DMD: variants seen among roughly 807,000 people sequenced by gnomAD.
DMD encodes the protein dystrophin.
A neutral mutation model predicts 330.1 loss-of-function variants in DMD; 63 were observed. The ratio of observed to expected loss-of-function variants is 0.19; its 90% CI spans 0.16 to 0.24. The LOEUF (loss-of-function observed/expected upper bound fraction) is 0.24, where lower values mean the gene tolerates loss of function less well. Ranked by LOEUF, DMD falls within the 10% of genes least tolerant of loss-of-function variation. The probability of loss-of-function intolerance (pLI) is 1.00; values close to 1 mark genes in which losing one functional copy is unlikely to be tolerated. For missense variants in DMD, 3,344 were observed against 2,684.1 expected (o/e 1.25, Z -5.43); for synonymous variants, 1,223 against 959.8 (o/e 1.27, Z -5.07).
intron 43 of DMD, among the ~76,000 whole-genome samples, chrX:32,234,129 C>T (rs184093848): frequency 3.6e-5 from 4 of 111,238 alleles, no homozygotes; most frequent in Admixed American, 1.9e-4. Flanking sequence ...CCCATGACCA[C>T]GAGAGACCAG....
chrX:31,436,581 T>G (rs765548150), intron 60 of DMD, among the ~76,000 whole-genome samples: 1 of 111,812 alleles, frequency 8.9e-6, no homozygotes, highest in South Asian at 3.7e-4. Flanking sequence ...ACCTGAGCAA[T>G]TTCGATAACA....
intron 1 of DMD, among the ~76,000 whole-genome samples, chrX:33,307,504 T>C (rs2053781317): frequency 9.0e-6 from 1 of 111,252 alleles, no homozygotes; most frequent in East Asian, 2.9e-4. Flanking sequence ...CCATCCTGGC[T>C]AACACAGTGA....
At chrX:31,969,225 G>GT (rs1441184276) in intron 44 of DMD, among the ~76,000 whole-genome samples, 1 of 111,185 alleles carries the variant, frequency 9.0e-6, no homozygotes, top group African/African-American at 3.3e-5. Context: ...AATTTTAAGA[G>GT]TAAAGTATCA....
chrX:31,368,642 G>T (rs2059384987), intron 60 of DMD, among the ~76,000 whole-genome samples: 1 of 108,134 alleles, frequency 9.2e-6, no homozygotes, highest in Non-Finnish European at 1.9e-5. Context: ...TTGCACCCAG[G>T]TCCCCCCGCC....
intron 7 of DMD, among the ~76,000 whole-genome samples, chrX:32,736,795 C>T (rs7055376): frequency 0.061 from 6,509 of 105,980 alleles, 661 homozygotes; most frequent in African/African-American, 0.21. Context: ...AGGGATAGCA[C>T]TGGGAGATTT....
At chrX:32,776,354 A>T (rs1303289321) in intron 7 of DMD, among the ~76,000 whole-genome samples, 1 of 108,844 alleles carries the variant, frequency 9.2e-6, no homozygotes, top group Non-Finnish European at 1.9e-5. Context: ...TGCTATATTT[A>T]TAGCAATGCC....
intron 69 of DMD, among the ~76,000 whole-genome samples, chrX:31,179,243 C>G (rs2040897999): frequency 8.9e-6 from 1 of 112,566 alleles, no homozygotes; most frequent in South Asian, 3.7e-4. Flanking sequence ...GGTACATTCT[C>G]AATCACTGAC....
chrX:31,887,801 C>A (rs1349378806), intron 47 of DMD, among the ~76,000 whole-genome samples: 2 of 112,269 alleles, frequency 1.8e-5, no homozygotes, highest in Non-Finnish European at 3.8e-5. Context: ...AATACTCACA[C>A]ATACACACAG....
In DMD at chrX:32,562,860, A is replaced by C. The variant is rs770545250; in HGVS notation, c.1992+2842T>G. Among the ~76,000 whole-genome samples, 5 of 111,660 alleles carry C rather than the reference A, an allele frequency of 4.5e-5. No individual in the cohort carries two copies. In the East Asian group the frequency reaches 1.4e-3, roughly 32 times the overall value. On this transcript the variant is annotated intron_variant, in intron 16 of 78. Transcript: ENST00000357033. ...TCTACCTTCCTGTGAGCTCAAAAAC[A>C]GCCAGCAAAGATTTGGATCAATCCC...
chrX:32,639,272 T>G (rs892308979), intron 11 of DMD, among the ~76,000 whole-genome samples: 2 of 111,805 alleles, frequency 1.8e-5, no homozygotes, highest in Non-Finnish European at 3.8e-5. Flanking sequence ...GAAAATCTTC[T>G]GTTTTCCCTG....
intron 68 of DMD, among the ~76,000 whole-genome samples, 185 bp downstream of exon 68, chrX:31,182,553 C>A (rs747990187): frequency 9.0e-6 from 1 of 111,357 alleles, no homozygotes; most frequent in Non-Finnish European, 1.9e-5. Flanking sequence ...TAAGTGAGAT[C>A]CACCAAAATA....
At chrX:31,636,867 G>C (rs1324112455) in intron 54 of DMD, among the ~76,000 whole-genome samples, 2 of 111,465 alleles carry the variant, frequency 1.8e-5, no homozygotes, top group African/African-American at 6.5e-5. Context: ...ATTTGATTTA[G>C]AAAGAAGGCA....
intron 30 of DMD, 99 bp from the exon 31 acceptor site, chrX:32,390,280 A>T: frequency 1.6e-6 from 1 of 620,602 alleles, no homozygotes; most frequent in Non-Finnish European, 2.6e-6. Flanking sequence ...CACCTCTACC[A>T]TGTAGCTTCC....
chrX:32,694,973 G>C (rs1211937700), intron 9 of DMD, among the ~76,000 whole-genome samples: 1 of 112,031 alleles, frequency 8.9e-6, no homozygotes, highest in Non-Finnish European at 1.9e-5. Flanking sequence ...TATTAAATGA[G>C]TTAAAAACGT....
intron 44 of DMD, among the ~76,000 whole-genome samples, chrX:32,076,207 G>A (rs1276993596): frequency 9.2e-6 from 1 of 108,214 alleles, no homozygotes; most frequent in Non-Finnish European, 1.9e-5. Context: ...TATAACCTCA[G>A]CGGAAAGACA....
At chrX:32,339,008 T>TA (rs1475490060) in intron 41 of DMD, among the ~76,000 whole-genome samples, 1 of 112,472 alleles carries the variant, frequency 8.9e-6, no homozygotes, top group Non-Finnish European at 1.9e-5. Flanking sequence ...GAAAATATTT[T>TA]AAAAATTAAA....
At chrX:32,489,447 T>C (rs977027405) in intron 20 of DMD, among the ~76,000 whole-genome samples, 1 of 110,923 alleles carries the variant, frequency 9.0e-6, no homozygotes, top group African/African-American at 3.3e-5. Context: ...TCTCTCTGCA[T>C]GTATACACAC....
intron 17 of DMD, among the ~76,000 whole-genome samples, chrX:32,524,739 G>A (rs967789913): frequency 8.9e-6 from 1 of 112,215 alleles, no homozygotes. Context: ...AACAGGATGT[G>A]AAATTCTACA....
At chrX:32,163,315 T>C (rs1416150878) in intron 44 of DMD, among the ~76,000 whole-genome samples, 1 of 112,258 alleles carries the variant, frequency 8.9e-6, no homozygotes, top group Non-Finnish European at 1.9e-5. Flanking sequence ...TTTGAATTAT[T>C]GCAATGACTC....
Sources: allele counts gnomAD v4.1 joint callset (sites outside exome capture counted in the v4.1 genomes callset), GRCh38; gene constraint gnomAD v4.1.1; transcripts MANE v1.5; gene names NCBI Gene and HGNC (gene_info 2026-07-23, HGNC 2026-07-21).